GFRAL: variants seen among roughly 807,000 people sequenced by gnomAD.
The protein encoded by GFRAL is GDNF family receptor alpha-like.
GFRAL carries 36 observed loss-of-function variants against 45.4 expected under a neutral mutation model. The ratio of observed to expected loss-of-function variants is 0.79; its 90% confidence interval spans 0.61 to 1.05. The LOEUF is 1.05. Ranked by LOEUF, GFRAL falls within the 50% of genes least tolerant of loss-of-function variation. The probability of loss-of-function intolerance (pLI) is 0.00; values close to 1 mark genes in which losing one functional copy is unlikely to be tolerated. For synonymous variants in GFRAL, 166 were observed against 154.1 expected (o/e 1.08, Z -0.57); for missense variants, 507 against 467.5 (o/e 1.08, Z -0.78).
chr6:55,332,965 A>G (rs953269330), intron 2 of GFRAL, among the ~76,000 whole-genome samples: 2 of 152,122 alleles, frequency 1.3e-5, no homozygotes, highest in Non-Finnish European at 2.9e-5. Flanking sequence ...AGTATAATCT[A>G]TCTACAGTAT....
chr6:55,369,075 T>C (rs2127360112), intron 6 of GFRAL, among the ~76,000 whole-genome samples: 1 of 151,256 alleles, frequency 6.6e-6, no homozygotes, highest in African/African-American at 2.4e-5. Context: ...CTCAGACTGC[T>C]GTGCTAGCAA....
chr6:55,387,854 G>T (rs1336111207), intron 6 of GFRAL, among the ~76,000 whole-genome samples: 1 of 152,158 alleles, frequency 6.6e-6, no homozygotes, highest in Admixed American at 6.5e-5. Context: ...GCTATAAAAT[G>T]AGAACAACGT....
intron 6 of GFRAL, among the ~76,000 whole-genome samples, chr6:55,362,486 C>T (rs1015058545): frequency 1.3e-5 from 2 of 151,942 alleles, no homozygotes; most frequent in Non-Finnish European, 2.9e-5. Context: ...TGTCACCAAC[C>T]TCCACTTACC....
intron 6 of GFRAL, among the ~76,000 whole-genome samples, chr6:55,381,572 A>G (rs1391201555): frequency 6.6e-6 from 1 of 151,940 alleles, no homozygotes; most frequent in African/African-American, 2.4e-5. Flanking sequence ...GAATACACTC[A>G]TTTATATATG....
intron 6 of GFRAL, among the ~76,000 whole-genome samples, chr6:55,386,026 A>T (rs1002568410): frequency 1.3e-5 from 2 of 152,216 alleles, no homozygotes; most frequent in South Asian, 4.1e-4. Context: ...ATTTAATATT[A>T]AAAAGACAAG....
intron 3 of GFRAL, among the ~76,000 whole-genome samples, chr6:55,347,792 C>T (rs1768063140): frequency 6.6e-6 from 1 of 151,998 alleles, no homozygotes; most frequent in Non-Finnish European, 1.5e-5. Flanking sequence ...TTCTTGCTTC[C>T]ATGGGTGATT....
chr6:55,372,568 T>A (rs1562060119), intron 6 of GFRAL, among the ~76,000 whole-genome samples: 1 of 152,164 alleles, frequency 6.6e-6, no homozygotes, highest in African/African-American at 2.4e-5. Context: ...GACCTCTAAG[T>A]CTTCCCTACT....
At chr6:55,343,726 A>C (rs1333718992) in intron 3 of GFRAL, among the ~76,000 whole-genome samples, 1 of 152,220 alleles carries the variant, frequency 6.6e-6, no homozygotes, top group Non-Finnish European at 1.5e-5. Context: ...TCAAAAAATC[A>C]ATGAATCCAG....
intron 6 of GFRAL, among the ~76,000 whole-genome samples, chr6:55,381,870 A>C (rs1049182740): frequency 2.0e-5 from 3 of 151,900 alleles, no homozygotes; most frequent in African/African-American, 4.8e-5. Context: ...ACAGATATAC[A>C]TACACGTATA....
At chr6:55,336,954 C>CT (rs1463591879) in intron 3 of GFRAL, among the ~76,000 whole-genome samples, 3 of 152,112 alleles carry the variant, frequency 2.0e-5, no homozygotes, top group Non-Finnish European at 4.4e-5. Context: ...TCTGCAAATA[C>CT]TTTTTTAGCC....
chr6:55,382,908 A>G (rs899861141), intron 6 of GFRAL, among the ~76,000 whole-genome samples: 8 of 151,958 alleles, frequency 5.3e-5, no homozygotes, highest in South Asian at 4.1e-4. Flanking sequence ...ACTACTTTTT[A>G]TCACAGATTT....
chr6:55,355,157 T>C (rs894393549), intron 5 of GFRAL, among the ~76,000 whole-genome samples: 21 of 151,894 alleles, frequency 1.4e-4, no homozygotes, highest in Admixed American at 2.0e-4. Flanking sequence ...TTGTTTTTTT[T>C]CCCTAAATGT....
At chr6:55,361,688 A>G (rs1768277371) in intron 6 of GFRAL, among the ~76,000 whole-genome samples, 2 of 151,988 alleles carry the variant, frequency 1.3e-5, no homozygotes, top group Non-Finnish European at 2.9e-5. Flanking sequence ...ACCTTTATCC[A>G]TTGCCTCAAA....
intron 3 of GFRAL, among the ~76,000 whole-genome samples, chr6:55,345,062 G>A (rs1230520382): frequency 1.3e-5 from 2 of 152,070 alleles, no homozygotes; most frequent in South Asian, 2.1e-4. Context: ...AAATCGAAGA[G>A]CATTCCATGT....
At chr6:55,351,697 A>G (rs1190577523) in intron 5 of GFRAL, 114 bp downstream of exon 5, 8 of 671,372 alleles carry the variant, frequency 1.2e-5, no homozygotes, top group Non-Finnish European at 1.9e-5. Context: ...CATCCAACAT[A>G]GTGTAAATAA....
intron 3 of GFRAL, among the ~76,000 whole-genome samples, chr6:55,336,355 C>T (rs960190027): frequency 7.2e-5 from 11 of 152,132 alleles, no homozygotes; most frequent in Non-Finnish European, 7.3e-5. Flanking sequence ...TTTACTATGT[C>T]GAGTGTTCAG....
chr6:55,374,568 A>T (rs6459078), intron 6 of GFRAL, among the ~76,000 whole-genome samples: 1 of 152,150 alleles, frequency 6.6e-6, no homozygotes, highest in Non-Finnish European at 1.5e-5. Context: ...GTTTTCTTCC[A>T]CTATGTAGGT....
chr6:55,387,856 GA>G (rs2127364746), intron 6 of GFRAL, among the ~76,000 whole-genome samples: 1 of 152,228 alleles, frequency 6.6e-6, no homozygotes, highest in South Asian at 2.1e-4. Context: ...TATAAAATGA[GA>G]ACAACGTAAT....
At chr6:55,351,677 T>C (rs1438161285) in intron 5 of GFRAL, 94 bp downstream of exon 5, 4 of 834,878 alleles carry the variant, frequency 4.8e-6, no homozygotes, top group South Asian at 1.8e-5. Context: ...TTAGCTAGAG[T>C]TCCCACCATC....
Sources: allele counts gnomAD v4.1 joint callset (sites outside exome capture counted in the v4.1 genomes callset), GRCh38; gene constraint gnomAD v4.1.1; transcripts MANE v1.5; gene names NCBI Gene and HGNC (gene_info 2026-07-23, HGNC 2026-07-21).